Variants in FER1L6 observed in about 807,000 individuals in gnomAD.
FER1L6 encodes the protein fer-1-like protein 6.
A neutral mutation model predicts 219.2 loss-of-function variants in FER1L6; 177 were observed. The observed-to-expected ratio is 0.81, with a 90% confidence interval of 0.71 to 0.91. The LOEUF (loss-of-function observed/expected upper bound fraction) is 0.91, where lower values mean the gene tolerates loss of function less well. FER1L6 is among the 40% of genes least tolerant of loss of function. The pLI is 0.00. For missense variants in FER1L6, 2,153 were observed against 2,259.9 expected (o/e 0.95, Z 0.96); for synonymous variants, 768 against 824.3 (o/e 0.93, Z 1.17).
At chr8:123,959,658 G>A (rs986258795) in intron 2 of FER1L6, among the ~76,000 whole-genome samples, 1 of 152,108 alleles carries the variant, frequency 6.6e-6, no homozygotes, top group Non-Finnish European at 1.5e-5. Flanking sequence ...TAAAATCAGC[G>A]AACCAAAATG....
At position 124,032,500 on chromosome 8, in the gene FER1L6, G is replaced by T. The variant is rs554827331; in HGVS notation, c.2287-2777G>T. 2.0e-5 allele frequency among the ~76,000 whole-genome samples: 3 copies of T among 152,206 alleles called. No individual in the cohort carries two copies. In the East Asian group the frequency reaches 5.8e-4, roughly 29 times the overall value. The stretch of plus-strand genomic sequence containing the variant: ...CCTAGCACTCTGGGAGGCCAAAGGG[G>T]GGCAGATTGCTTTAGTCCAGGAGTT... On this transcript the variant is annotated intron_variant, in intron 18 of 40. Transcript: ENST00000522917.
intron 17 of FER1L6, among the ~76,000 whole-genome samples, chr8:124,022,521 G>A (rs972692810): frequency 2.0e-5 from 3 of 152,134 alleles, no homozygotes; most frequent in Admixed American, 6.5e-5. Flanking sequence ...TAATTAATTC[G>A]ACTTTAAATT....
chr8:124,020,741 GA>G (rs1818422717), intron 16 of FER1L6, among the ~76,000 whole-genome samples: 1 of 152,084 alleles, frequency 6.6e-6, no homozygotes, highest in Admixed American at 6.6e-5. Context: ...TGTAAAATGG[GA>G]AAAATAGAAC....
At chr8:124,015,998 T>C (rs1389681062) in intron 15 of FER1L6, 1 of 152,830 alleles carries the variant, frequency 6.5e-6, no homozygotes, top group African/African-American at 2.4e-5. Flanking sequence ...CCATGTGACA[T>C]GTGAAGGTAA....
Position 123,852,471 on chromosome 8 carries a change from CGTGTGTGTGTGTGTGTGT to C in FER1L6, c.-8+311_-8+328del, listed in dbSNP as rs61303449. On this transcript the variant is annotated intron_variant, in intron 1 of 40. Coordinates refer to ENST00000522917, the MANE Select transcript of FER1L6 (RefSeq NM_001039112.2). The surrounding 1 kb of genome is among the most constrained non-coding windows in gnomAD (Gnocchi z 4.9). ...GCTTGAACTCCATGTTGTGAGCATG[CGTGTGTGTGTGTGTGTGT>C]GTGTGTGTGTGTGTGTGTGTGTGTT... is the stretch of plus-strand genomic sequence containing the variant. Among the ~76,000 whole-genome samples, 70 of 140,058 alleles carry C rather than the reference CGTGTGTGTGTGTGTGTGT, an allele frequency of 5.0e-4. 1 individual carries two copies. The highest frequency in any genetic ancestry group is 7.1e-3 in the Middle Eastern group (2 of 280). 91.9% of individuals were successfully genotyped at this position (140,058 alleles called of 152,430 possible). A position where few individuals can be genotyped will look rare whatever the true frequency, so the allele number is the denominator to read the frequency against.
chr8:123,866,336 G>A (rs114487552), intron 1 of FER1L6, among the ~76,000 whole-genome samples: 3,637 of 150,654 alleles, frequency 0.024, 139 homozygotes, highest in African/African-American at 0.084. Context: ...TATACACTAC[G>A]TATATAAAAA....
chr8:124,066,393 T>A lies in FER1L6; in HGVS notation c.3556-35T>A, dbSNP rs753334632. The A allele has an allele frequency of 2.0e-5, 32 of 1,603,434 alleles. No individual in the cohort carries two copies. The South Asian group carries it at 3.5e-4, about 17-fold the overall frequency. ...ACCATCAGCATGCAGCCAAATGAGG[T>A]TGAACTAATAACCCATTCCCTCATC... On this transcript the variant is annotated intron_variant, in intron 26 of 40. Transcript: ENST00000522917.
intron 12 of FER1L6, among the ~76,000 whole-genome samples, chr8:123,995,023 C>A (rs1280452749): frequency 6.6e-6 from 1 of 152,236 alleles, no homozygotes; most frequent in Non-Finnish European, 1.5e-5. Context: ...CAATTTATCT[C>A]CTTCTCACAG....
At chr8:124,119,016 T>C in intron 40 of FER1L6, 72 bp downstream of exon 40, 1 of 1,276,128 alleles carries the variant, frequency 7.8e-7, no homozygotes. Flanking sequence ...TGTCTGATAA[T>C]GGCATTTCTT....
intron 1 of FER1L6, among the ~76,000 whole-genome samples, chr8:123,940,562 T>C (rs1814199432): frequency 6.6e-6 from 1 of 152,186 alleles, no homozygotes; most frequent in Non-Finnish European, 1.5e-5. Context: ...GGTCTTGACC[T>C]CCTGGCCTCA....
rs1354091415 is a variant in FER1L6, at chr8:124,066,512, T to C, written c.3640T>C (p.Trp1214Arg). ...ATCTGCTGAAAACGTGATTGACTGG[T>C]GGTCTAAGTATTATGCCTCCCTGAA... Reference protein sequence around the residue: ...DESAENVIDWWSKYYASLKKA... With the variant: ...DESAENVIDWRSKYYASLKKA... The change falls in exon 27 of 41, where the codon TGG becomes CGG. Residue 1214 changes from tryptophan (W) to arginine (R), a missense_variant. Physicochemically the swap from Trp to Arg is moderately radical, Grantham distance 101. Coordinates refer to ENST00000522917, the MANE Select transcript of FER1L6 (RefSeq NM_001039112.2). 1.2e-6 allele frequency: 2 copies of C among 1,613,932 alleles called. No individual in the cohort carries two copies. The highest frequency in any genetic ancestry group is 1.3e-5 in the African/African-American group (1 of 74,892).
At chr8:124,091,339 T>A in intron 33 of FER1L6, 84 bp from the exon 34 acceptor site, 1 of 1,132,304 alleles carries the variant, frequency 8.8e-7, no homozygotes, top group Non-Finnish European at 1.2e-6. Flanking sequence ...GAATAGCAAG[T>A]TAAATCTGAA....
intron 39 of FER1L6, among the ~76,000 whole-genome samples, 189 bp from the exon 40 acceptor site, chr8:124,118,655 G>C (rs1213653086): frequency 6.6e-6 from 1 of 152,138 alleles, no homozygotes; most frequent in Admixed American, 6.5e-5. Flanking sequence ...TCATTCCTAG[G>C]CTTTTACTGT....
At chr8:123,936,474 T>C (rs1053079157) in intron 1 of FER1L6, among the ~76,000 whole-genome samples, 6 of 92,932 alleles carry the variant, frequency 6.5e-5, no homozygotes, top group Admixed American at 3.8e-4. Flanking sequence ...TTTTTTTTTT[T>C]TTTTTTTTTT....
At chr8:123,999,447 A>G (rs1312752543) in intron 12 of FER1L6, among the ~76,000 whole-genome samples, 1 of 152,182 alleles carries the variant, frequency 6.6e-6, no homozygotes, top group East Asian at 1.9e-4. Context: ...GGAGTTTGAG[A>G]CCAGCCTGGC....
At position 123,966,539 on chromosome 8, in the gene FER1L6, T is replaced by C. The variant is rs552771125; in HGVS notation, c.384+249T>C. On this transcript the variant is annotated intron_variant, in intron 5 of 40. Coordinates refer to ENST00000522917, the MANE Select transcript of FER1L6 (RefSeq NM_001039112.2). ...ACTGCTACGTTTTCAACATACGTTTTCTTATTTATTATCAGCTCATTTTCA... is the reference window on the plus strand; with the variant it reads ...ACTGCTACGTTTTCAACATACGTTTCCTTATTTATTATCAGCTCATTTTCA... 8.5e-5 allele frequency among the ~76,000 whole-genome samples: 13 copies of C among 152,352 alleles called. No individual in the cohort carries two copies. In the South Asian group the frequency reaches 2.5e-3, roughly 29 times the overall value.
Position 123,980,689 on chromosome 8 carries a change from G to T in FER1L6, c.1288G>T (p.Asp430Tyr). Reference protein sequence around the residue: ...KELKLPSKDKDSKSSKGKDKA... With the variant: ...KELKLPSKDKYSKSSKGKDKA... ...GCTCAAGTTGCCTTCCAAGGACAAA[G>T]ACTCCAAATCTTCCAAAGGTAAAGA... Residue 430 changes from aspartate to tyrosine, a missense_variant, in exon 11 of 41, where the codon GAC (aspartate) becomes TAC (tyrosine). By Grantham distance (160) the Asp-to-Tyr change is radical (BLOSUM62 -3). Transcript: ENST00000522917. The T allele has an allele frequency of 6.2e-7, 1 of 1,614,110 alleles. No homozygotes were observed. The highest frequency in any genetic ancestry group is 1.6e-4 in the Middle Eastern group (1 of 6,062).
chr8:124,031,366 T>C (rs776244339), intron 18 of FER1L6, among the ~76,000 whole-genome samples: 7 of 152,196 alleles, frequency 4.6e-5, no homozygotes, highest in Non-Finnish European at 7.3e-5. Flanking sequence ...GATGGACATG[T>C]AGAAATACGA....
At chr8:124,034,571 T>TA (rs1177750541) in intron 18 of FER1L6, among the ~76,000 whole-genome samples, 8 of 151,904 alleles carry the variant, frequency 5.3e-5, no homozygotes, top group Non-Finnish European at 7.4e-5. Context: ...CAAACATAAA[T>TA]AAAAATACAA....
Sources: allele counts gnomAD v4.1 joint callset (sites outside exome capture counted in the v4.1 genomes callset), GRCh38; gene constraint gnomAD v4.1.1; non-coding constraint Gnocchi (gnomAD v3.1); transcripts MANE v1.5; gene names NCBI Gene and HGNC (gene_info 2026-07-23, HGNC 2026-07-21).